Variants in STX7 observed in about 807,000 individuals in gnomAD.
STX7 encodes syntaxin 7.
STX7 carries 34 observed loss-of-function variants against 39.6 expected under a neutral mutation model. That is an observed-to-expected ratio of 0.86 (90% CI 0.65 to 1.14). The LOEUF (loss-of-function observed/expected upper bound fraction) is 1.14, where lower values mean the gene tolerates loss of function less well. STX7 is among the 50% of genes most tolerant of loss of function. The probability of loss-of-function intolerance (pLI) is 0.00; values close to 1 mark genes in which losing one functional copy is unlikely to be tolerated. For synonymous variants in STX7, 119 were observed against 99.1 expected (o/e 1.20, Z -1.19); for missense variants, 284 against 310.4 (o/e 0.92, Z 0.64).
chr6:132,475,614 G>C lies in STX7; in HGVS notation c.134C>G (p.Ser45Ter). The C allele has an allele frequency of 6.2e-7, 1 of 1,607,342 alleles. No individual in the cohort carries two copies. The highest frequency in any genetic ancestry group is 8.5e-7 in the Non-Finnish European group (1 of 1,176,960). Residue 45 changes from serine to a stop codon, truncating the protein, a stop_gained, in exon 3 of 10, where the codon TCA becomes TGA. Transcript: ENST00000367941. LOFTEE classifies it high-confidence loss of function. ...TLNQLGTPQD[S>*]PELRQQLQQK... The stretch of plus-strand genomic sequence containing the variant: ...TTACAACTGTTGCCTCAATTCAGGT[G>C]AATCTTGAGGTGTTCCAAGTTGATT...
chr6:132,472,279 T>TC lies in STX7; in HGVS notation c.249+2_249+3insG, dbSNP rs1774741255. The TC allele has an allele frequency of 6.2e-7, 1 of 1,609,734 alleles. No homozygotes were observed. The highest frequency in any genetic ancestry group is 1.1e-5 in the South Asian group (1 of 90,288). ...ATCAACAATGTGTCTTAAAGCTTGA[T>TC]ACCTGTTCACTGGGGGTGGTGGGCA... On this transcript the variant is annotated splice_region_variant and intron_variant, in intron 4 of 9. Coordinates refer to ENST00000367941, the MANE Select transcript of STX7 (RefSeq NM_003569.3).
At chr6:132,498,806 C>G (rs1775482215) in intron 2 of STX7, among the ~76,000 whole-genome samples, 1 of 152,182 alleles carries the variant, frequency 6.6e-6, no homozygotes, top group Non-Finnish European at 1.5e-5. Flanking sequence ...AGTACACATA[C>G]TTGACAGTAG....
rs932474755 is a variant in STX7 at position 132,459,940 on chromosome 6, T to C, written c.*818A>G. ...TAATGGCCCACAAAACCAGATGATATGGTTAAGATAACTAGTTTAGTGGAA... is the reference window on the plus strand; with the variant it reads ...TAATGGCCCACAAAACCAGATGATACGGTTAAGATAACTAGTTTAGTGGAA... On this transcript the variant is annotated 3_prime_UTR_variant, in exon 10 of 10. Transcript: ENST00000367941. The C allele has an allele frequency of 6.6e-6, 1 of 152,176 alleles. No individual in the cohort carries two copies. The highest frequency in any genetic ancestry group is 2.4e-5 in the African/African-American group (1 of 41,446). 9.4% of individuals were successfully genotyped at this position (152,176 alleles called of 1,614,324 possible).
chr6:132,468,835 G>A (rs974492596), intron 7 of STX7, among the ~76,000 whole-genome samples: 2 of 152,078 alleles, frequency 1.3e-5, no homozygotes, highest in African/African-American at 2.4e-5. Context: ...ACTTACAAGG[G>A]TATAAAATAT....
At chr6:132,471,187 G>A (rs1774710461) in intron 5 of STX7, among the ~76,000 whole-genome samples, 1 of 152,152 alleles carries the variant, frequency 6.6e-6, no homozygotes, top group African/African-American at 2.4e-5. Flanking sequence ...ATACTACTCA[G>A]GATTTGATCC....
chr6:132,492,571 C>T (rs1044371942), intron 2 of STX7, among the ~76,000 whole-genome samples: 1 of 152,096 alleles, frequency 6.6e-6, no homozygotes, highest in African/African-American at 2.4e-5. Context: ...GCACAAGTAA[C>T]ACCCTGGTAC....
intron 6 of STX7, among the ~76,000 whole-genome samples, chr6:132,470,296 C>T (rs1159407144): frequency 6.6e-6 from 1 of 152,038 alleles, no homozygotes; most frequent in Non-Finnish European, 1.5e-5. Context: ...TATCTGTCAA[C>T]TGGGTATTTC....
In STX7 at chr6:132,459,574, T is replaced by C. The variant is rs1256267707; in HGVS notation, c.*1184A>G. ...GTGGTTTACTTAGCTACTTACTATT[T>C]GTTCCCATTTGAAGTCTCAGAGCTT... On this transcript the variant is annotated 3_prime_UTR_variant, in exon 10 of 10. Coordinates refer to ENST00000367941, the MANE Select transcript of STX7 (RefSeq NM_003569.3). 2.1e-5 allele frequency: 3 copies of C among 143,768 alleles called. No individual in the cohort carries two copies. The highest frequency in any genetic ancestry group is 7.3e-5 in the African/African-American group (3 of 40,832). 8.9% of individuals were successfully genotyped at this position (143,768 alleles called of 1,614,324 possible). A position where few individuals can be genotyped will look rare whatever the true frequency, so the allele number is the denominator to read the frequency against.
intron 2 of STX7, among the ~76,000 whole-genome samples, chr6:132,492,895 T>G (rs1775330307): frequency 6.6e-6 from 1 of 152,214 alleles, no homozygotes; most frequent in Non-Finnish European, 1.5e-5. Context: ...CTAAAATCAC[T>G]GGGTGTACTT....
rs1193625974 is a variant in STX7 at position 132,471,513 on chromosome 6, C to T, written c.337G>A (p.Glu113Lys). The change falls in exon 5 of 10, where the codon GAG (glutamate) becomes AAG (lysine). Residue 113 changes from glutamate to lysine, a missense_variant. By Grantham distance (56) the Glu-to-Lys change is moderately conservative. Transcript: ENST00000367941. ...CGAGCAACAAACTCTTTCTCTCGCT[C>T]AGCAGCCTGCCTCTGGACCTTCTGG... ...NFQKVQRQAA[E>K]REKEFVARVR... 1 of 1,614,070 alleles carries T rather than the reference C, an allele frequency of 6.2e-7. No individual in the cohort carries two copies. The highest frequency in any genetic ancestry group is 8.5e-7 in the Non-Finnish European group (1 of 1,179,938).
At chr6:132,462,338 G>A (rs1417498714) in intron 9 of STX7, among the ~76,000 whole-genome samples, 1 of 152,176 alleles carries the variant, frequency 6.6e-6, no homozygotes, top group African/African-American at 2.4e-5. Flanking sequence ...GTCCCGCTTC[G>A]GGAGCTGGGG....
chr6:132,454,145 A>G lies in STX7; in HGVS notation c.*6613T>C, dbSNP rs1774196643. On this transcript the variant is annotated 3_prime_UTR_variant, in exon 10 of 10. Transcript: ENST00000367941. Reference sequence around the variant, plus strand: ...ATAATAAGCTGGATTAACCTCCAGAAAATCATGCTAAATGAAAAAAAGCCA... The same window carrying G: ...ATAATAAGCTGGATTAACCTCCAGAGAATCATGCTAAATGAAAAAAAGCCA... 1 of 152,154 alleles carries G rather than the reference A, an allele frequency of 6.6e-6. No homozygotes were observed. Among genetic ancestry groups the G allele is most frequent in the Non-Finnish European group, 1.5e-5 (1 of 68,014 alleles). 9.4% of individuals were successfully genotyped at this position (152,154 alleles called of 1,614,324 possible). A position where few individuals can be genotyped will look rare whatever the true frequency, so the allele number is the denominator to read the frequency against.
At chr6:132,488,252 G>T (rs562040670) in intron 2 of STX7, among the ~76,000 whole-genome samples, 11 of 152,212 alleles carry the variant, frequency 7.2e-5, no homozygotes, top group Non-Finnish European at 1.6e-4. Flanking sequence ...ATATTATCTT[G>T]TATGACTTGA....
At chr6:132,504,534 T>A (rs768206559) in intron 1 of STX7, among the ~76,000 whole-genome samples, 2 of 152,184 alleles carry the variant, frequency 1.3e-5, no homozygotes, top group African/African-American at 2.4e-5. Flanking sequence ...ATCTTTTCCA[T>A]GAATATGCAC....
At chr6:132,506,442 C>T (rs1479551457) in intron 1 of STX7, among the ~76,000 whole-genome samples, 2 of 152,038 alleles carry the variant, frequency 1.3e-5, no homozygotes, top group East Asian at 3.9e-4. Context: ...GGGCAAAGCA[C>T]ATGAATAGAC....
intron 2 of STX7, among the ~76,000 whole-genome samples, chr6:132,501,043 C>G (rs1775546066): frequency 6.6e-6 from 1 of 151,888 alleles, no homozygotes; most frequent in Admixed American, 6.6e-5. Flanking sequence ...GTACCTTCAC[C>G]TGCATGAACA....
intron 2 of STX7, among the ~76,000 whole-genome samples, chr6:132,482,064 G>C (rs1456105186): frequency 6.6e-6 from 1 of 152,054 alleles, no homozygotes; most frequent in Admixed American, 6.6e-5. Context: ...TCATATTGTT[G>C]ACCCTCAATG....
chr6:132,494,656 G>A (rs1409396551), intron 2 of STX7, among the ~76,000 whole-genome samples: 1 of 152,196 alleles, frequency 6.6e-6, no homozygotes, highest in Non-Finnish European at 1.5e-5. Context: ...GATCTACCTG[G>A]TGGAATGTGG....
intron 9 of STX7, chr6:132,461,763 G>A (rs558492497): frequency 1.1e-5 from 15 of 1,428,004 alleles, no homozygotes; most frequent in African/African-American, 8.6e-5. Context: ...ATTGAAAACC[G>A]AATGGTTAAG....
Sources: gnomAD v4.1 joint callset for allele counts (sites outside exome capture counted in the v4.1 genomes callset) on GRCh38, gnomAD v4.1.1 for gene constraint, MANE v1.5 for transcripts, NCBI Gene and HGNC (gene_info 2026-07-23, HGNC 2026-07-21) for gene names.